Variants in TAF5 observed in about 807,000 individuals in gnomAD.
TAF5 encodes transcription initiation factor TFIID subunit 5.
TAF5 carries 20 observed loss-of-function variants against 80.9 expected under a neutral mutation model. That is an observed-to-expected ratio of 0.25 (90% confidence interval 0.17 to 0.36). The LOEUF is 0.36. Ranked by LOEUF, TAF5 falls within the 10% of genes least tolerant of loss-of-function variation. The pLI, the probability that TAF5 is intolerant of heterozygous loss-of-function variation, is 1.00. For synonymous variants in TAF5, 388 were observed against 406.4 expected, an observed-to-expected ratio of 0.95 and a Z score of 0.55; for missense variants, 863 against 1,029.4, an observed-to-expected ratio of 0.84 and a Z score of 2.21.
At position 103,379,633 on chromosome 10, in the gene TAF5, C is replaced by A; in HGVS notation, c.1139C>A (p.Pro380Gln). Residue 380 changes from proline to glutamine, a missense_variant, in exon 4 of 11, where the codon CCA (proline) becomes CAA (glutamine). Pro to Gln is a moderately conservative substitution (Grantham distance 76). This residue lies in a region of TAF5 where 128 missense variants were observed against 232.2 expected (regional missense o/e 0.55). Transcript: ENST00000369839. ...GTATTTTTTGGTTTATTAAAAGAACCAGAAATTGAGGTACCTTTGGATGAC... is the reference window on the plus strand; with the variant it reads ...GTATTTTTTGGTTTATTAAAAGAACAAGAAATTGAGGTACCTTTGGATGAC... ...SKVFFGLLKE[P>Q]EIEVPLDDED... 1 of 1,582,994 alleles carries A rather than the reference C, an allele frequency of 6.3e-7. No individual in the cohort carries two copies. The highest frequency in any genetic ancestry group is 8.5e-7 in the Non-Finnish European group (1 of 1,171,762).
Position 103,385,294 on chromosome 10 carries a change from G to A in TAF5, c.1665-32G>A. On this transcript the variant is annotated intron_variant, in intron 7 of 10. Coordinates refer to ENST00000369839, the MANE Select transcript of TAF5 (RefSeq NM_006951.5). ...GGGCAGGTGACCAAAGGTTACTCTG[G>A]GAGTCAAATATATCACCTTCTCTTC... The A allele has an allele frequency of 1.9e-6, 3 of 1,579,072 alleles. No individual in the cohort carries two copies. In the South Asian group the frequency reaches 3.4e-5, roughly 18 times the overall value.
intron 5 of TAF5, among the ~76,000 whole-genome samples, chr10:103,380,646 G>A (rs2093380636): frequency 7.0e-6 from 1 of 143,678 alleles, no homozygotes; most frequent in Non-Finnish European, 1.5e-5. Flanking sequence ...ACAGAGTTTT[G>A]TGCTGTCACC....
At position 103,374,699 on chromosome 10, in the gene TAF5, A is replaced by G. The variant is rs745492790; in HGVS notation, c.797+1104A>G. 6.6e-6 allele frequency among the ~76,000 whole-genome samples: 1 copy of G among 152,212 alleles called. No homozygotes were observed. Among genetic ancestry groups the G allele is most frequent in the Non-Finnish European group, 1.5e-5 (1 of 68,036 alleles). On this transcript the variant is annotated intron_variant, in intron 2 of 10. Transcript: ENST00000369839. This position sits in a 1 kb window ranked among gnomAD's most constrained non-coding sequence, Gnocchi z 4.3. Reference sequence around the variant, plus strand: ...AAAGGACCATGTCGTTATTAGATATATACTTTGAAAGGACCTTTATGCAGT... The same window carrying G: ...AAAGGACCATGTCGTTATTAGATATGTACTTTGAAAGGACCTTTATGCAGT...
intron 8 of TAF5, among the ~76,000 whole-genome samples, chr10:103,386,664 A>ATTTT (rs34851825): frequency 2.2e-5 from 3 of 133,922 alleles, no homozygotes; most frequent in South Asian, 4.9e-4. Flanking sequence ...AGACCTCAGC[A>ATTTT]TTTTTTTTTT....
At position 103,378,659 on chromosome 10, in the gene TAF5, T is replaced by C; in HGVS notation, c.1113+109T>C. ...TATAGCTAGCTTGGAAACAATTTTT[T>C]TCGTTTGTTTGTTTTGAGACGGAGT... On this transcript the variant is annotated intron_variant, in intron 3 of 10. Coordinates refer to ENST00000369839, the MANE Select transcript of TAF5 (RefSeq NM_006951.5). The surrounding 1 kb of genome is among the most constrained non-coding windows in gnomAD (Gnocchi z 4.1). 7.6e-7 allele frequency: 1 copy of C among 1,313,688 alleles called. No individual in the cohort carries two copies. Among genetic ancestry groups the C allele is most frequent in the East Asian group, 2.5e-5 (1 of 39,824 alleles). The allele number at this position is 1,313,688 out of a possible 1,614,324, so 81.4% of individuals were successfully genotyped here.
intron 10 of TAF5, 103 bp from the exon 11 acceptor site, chr10:103,387,903 A>G (rs2093401227): frequency 1.6e-6 from 2 of 1,258,498 alleles, no homozygotes; most frequent in Non-Finnish European, 2.2e-6. Flanking sequence ...TCAAGTTTAG[A>G]TTTTTCACCC....
At chr10:103,369,940 C>T (rs146306089) in intron 1 of TAF5, among the ~76,000 whole-genome samples, 118 of 151,830 alleles carry the variant, frequency 7.8e-4, no homozygotes, top group African/African-American at 2.8e-3. Flanking sequence ...TTTTTTTTAC[C>T]TTCGTATTGG....
intron 1 of TAF5, among the ~76,000 whole-genome samples, chr10:103,369,653 G>A (rs2093354585): frequency 6.6e-6 from 1 of 152,006 alleles, no homozygotes; most frequent in South Asian, 2.1e-4. Context: ...ATGAGCCACC[G>A]CACCCGGCTG....
intron 2 of TAF5, among the ~76,000 whole-genome samples, chr10:103,375,582 A>G (rs2093368569): frequency 1.3e-5 from 2 of 152,196 alleles, no homozygotes; most frequent in African/African-American, 4.8e-5. Context: ...GACTAGAACT[A>G]TTAATTGGAG....
intron 10 of TAF5, 102 bp from the exon 11 acceptor site, chr10:103,387,904 T>A: frequency 7.9e-7 from 1 of 1,263,106 alleles, no homozygotes; most frequent in South Asian, 1.4e-5. Context: ...CAAGTTTAGA[T>A]TTTTCACCCA....
intron 6 of TAF5, among the ~76,000 whole-genome samples, chr10:103,382,100 A>G (rs532227207): frequency 6.6e-6 from 1 of 152,334 alleles, no homozygotes; most frequent in East Asian, 1.9e-4. Context: ...TAAAAATCTA[A>G]CATTTTATGA....
Position 103,373,531 on chromosome 10 carries a change from G to C in TAF5, c.733G>C (p.Val245Leu). 1.2e-5 allele frequency: 19 copies of C among 1,614,162 alleles called. No homozygotes were observed. Among genetic ancestry groups the C allele is most frequent in the Non-Finnish European group, 1.6e-5 (19 of 1,180,034 alleles). ...ELSQLFYPLF[V>L]HMYLELVYNQ... The stretch of plus-strand genomic sequence containing the variant: ...GTCCCAACTTTTTTATCCTCTGTTT[G>C]TGCACATGTACTTGGAGCTAGTCTA... The change falls in exon 2 of 11, where the codon GTG (valine) becomes CTG (leucine). Residue 245 changes from valine to leucine, a missense_variant. By Grantham distance (32) the Val-to-Leu change is conservative (BLOSUM62 1). Around this residue, in one of 3 missense-constraint regions of TAF5, gnomAD observed 128 missense variants for 232.2 expected, o/e 0.55. Transcript: ENST00000369839.
At chr10:103,380,293 T>C (rs1419874667) in intron 5 of TAF5, among the ~76,000 whole-genome samples, 1 of 152,152 alleles carries the variant, frequency 6.6e-6, no homozygotes, top group African/African-American at 2.4e-5. Context: ...CATGCCCGGC[T>C]AATTTTTTGT....
chr10:103,372,673 AT>A (rs1437749808), intron 1 of TAF5, among the ~76,000 whole-genome samples: 1 of 150,240 alleles, frequency 6.7e-6, no homozygotes, highest in Non-Finnish European at 1.5e-5. Context: ...AGGCAGGTGG[AT>A]CACTTGTGGT....
chr10:103,369,158 T>C (rs1411803700), intron 1 of TAF5, among the ~76,000 whole-genome samples: 1 of 151,562 alleles, frequency 6.6e-6, no homozygotes, highest in Non-Finnish European at 1.5e-5. Context: ...TTTGTATTTT[T>C]AGTAGAGGCG....
In TAF5 at chr10:103,375,193, G is replaced by A. The variant is rs548631535; in HGVS notation, c.797+1598G>A. Among the ~76,000 whole-genome samples the A allele has an allele frequency of 4.6e-5, 7 of 151,916 alleles. No homozygotes were observed. In the South Asian group the frequency reaches 1.5e-3, roughly 32 times the overall value. The stretch of plus-strand genomic sequence containing the variant: ...TCATAATGACTGGGCGGAGGAGCAG[G>A]AATACTAAATGTTCTAATATGTGCA... On this transcript the variant is annotated intron_variant, in intron 2 of 10. Coordinates refer to ENST00000369839, the MANE Select transcript of TAF5 (RefSeq NM_006951.5).
At chr10:103,381,670 T>C in intron 5 of TAF5, 51 bp from the exon 6 acceptor site, 2 of 1,596,800 alleles carry the variant, frequency 1.3e-6, no homozygotes, top group South Asian at 1.1e-5. Flanking sequence ...TTGCTTCCTA[T>C]CTCTAAATAT....
rs751418920 is a variant in TAF5, at chr10:103,379,998, T to C, written c.1392T>C (p.Tyr464=). ...ACTGCTTACCCTCCATTTGTTTCTA[T>C]ACATTTCTCAATGCTTACCAGGTTG... ...GPDCLPSICF[Y]TFLNAYQGLT... Residue 464 remains tyrosine, a synonymous_variant, in exon 5 of 11, where the codon TAT becomes TAC. Transcript: ENST00000369839. 3.7e-6 allele frequency: 6 copies of C among 1,613,638 alleles called. No individual in the cohort carries two copies. The highest frequency in any genetic ancestry group is 5.1e-6 in the Non-Finnish European group (6 of 1,179,880).
At chr10:103,387,153 G>C in intron 8 of TAF5, 22 bp from the exon 9 acceptor site, 2 of 1,590,216 alleles carry the variant, frequency 1.3e-6, no homozygotes, top group Middle Eastern at 3.4e-4. Flanking sequence ...GTCATCTTTT[G>C]CTTTCAATAA....
Sources: allele counts gnomAD v4.1 joint callset (sites outside exome capture counted in the v4.1 genomes callset), GRCh38; gene constraint gnomAD v4.1.1; regional missense constraint gnomAD v4.1.1; non-coding constraint Gnocchi (gnomAD v3.1); transcripts MANE v1.5; gene names NCBI Gene and HGNC (gene_info 2026-07-23, HGNC 2026-07-21).